The following FER variants were observed in gnomAD, a reference collection of about 807,000 sequenced individuals.
FER encodes tyrosine-protein kinase Fer.
Under a neutral mutation model 111.0 loss-of-function variants are expected in FER, and 63 were observed. That is an observed-to-expected ratio of 0.57 (90% CI 0.46 to 0.70). FER has a LOEUF of 0.70. Ranked by LOEUF, FER falls within the 30% of genes least tolerant of loss-of-function variation. The pLI is 0.00. For synonymous variants in FER, 327 were observed against 313.9 expected (o/e 1.04, Z -0.44); for missense variants, 914 against 954.0 (o/e 0.96, Z 0.55).
intron 16 of FER, among the ~76,000 whole-genome samples, chr5:109,058,411 T>C (rs1268462210): frequency 6.6e-6 from 1 of 152,148 alleles, no homozygotes; most frequent in Non-Finnish European, 1.5e-5. Flanking sequence ...GAATATGTTT[T>C]CTTTGCTCCC....
intron 2 of FER, among the ~76,000 whole-genome samples, chr5:108,786,085 C>G (rs948509829): frequency 9.2e-5 from 14 of 152,208 alleles, no homozygotes; most frequent in African/African-American, 2.7e-4. Flanking sequence ...AGATACTCAG[C>G]AACACCCTGA....
At chr5:108,839,849 T>C (rs1761082529) in intron 5 of FER, among the ~76,000 whole-genome samples, 1 of 152,122 alleles carries the variant, frequency 6.6e-6, no homozygotes, top group South Asian at 2.1e-4. Context: ...ACTGCTGGGA[T>C]TACAGGCGTG....
At chr5:108,860,771 A>G (rs1417989236) in intron 5 of FER, among the ~76,000 whole-genome samples, 1 of 152,230 alleles carries the variant, frequency 6.6e-6, no homozygotes, top group Non-Finnish European at 1.5e-5. Flanking sequence ...ACATATAATT[A>G]CTGGGTAATT....
chr5:109,073,705 A>G (rs147640619), intron 16 of FER, among the ~76,000 whole-genome samples: 3 of 152,118 alleles, frequency 2.0e-5, no homozygotes, highest in African/African-American at 7.2e-5. Context: ...CCCCTTCCAC[A>G]TATTCCAAAA....
At chr5:109,003,572 AAACCTG>A (rs1765102540) in intron 13 of FER, among the ~76,000 whole-genome samples, 2 of 152,164 alleles carry the variant, frequency 1.3e-5, no homozygotes, top group Non-Finnish European at 2.9e-5. Context: ...CATATGTAAC[AAACCTG>A]CACGTAGTGC....
At chr5:109,128,541 C>G (rs1032061930) in intron 17 of FER, among the ~76,000 whole-genome samples, 1 of 152,230 alleles carries the variant, frequency 6.6e-6, no homozygotes, top group African/African-American at 2.4e-5. Context: ...GACAGCTTGT[C>G]ATCATTCTGG....
intron 14 of FER, among the ~76,000 whole-genome samples, chr5:109,041,905 A>T (rs1771236611): frequency 6.6e-6 from 1 of 152,126 alleles, no homozygotes; most frequent in African/African-American, 2.4e-5. Flanking sequence ...CATTAGTAGG[A>T]TTATATGTGG....
At chr5:108,880,094 A>G (rs1003947753) in intron 8 of FER, among the ~76,000 whole-genome samples, 1 of 152,090 alleles carries the variant, frequency 6.6e-6, no homozygotes, top group Non-Finnish European at 1.5e-5. Context: ...TCCTGAAGGC[A>G]AACTTGTTTA....
chr5:108,915,615 T>A (rs1046618661), intron 10 of FER, among the ~76,000 whole-genome samples: 27 of 150,784 alleles, frequency 1.8e-4, no homozygotes, highest in Non-Finnish European at 3.8e-4. Flanking sequence ...AGGGGATAAA[T>A]TACTCTGTCC....
At chr5:108,783,516 G>C (rs1754330560) in intron 2 of FER, among the ~76,000 whole-genome samples, 1 of 152,120 alleles carries the variant, frequency 6.6e-6, no homozygotes, top group Non-Finnish European at 1.5e-5. Context: ...TGTGACAGGT[G>C]ATTTCCATTT....
intron 17 of FER, among the ~76,000 whole-genome samples, chr5:109,114,406 C>G (rs1749989199): frequency 6.6e-6 from 1 of 151,960 alleles, no homozygotes; most frequent in Non-Finnish European, 1.5e-5. Flanking sequence ...TGGTGCTGTT[C>G]TTTTCATTTT....
Position 108,798,225 on chromosome 5 carries a change from T to G in FER, c.43T>G (p.Leu15Val), listed in dbSNP as rs757132456. The part of the protein sequence containing the change: ...SDLKNSHEAV[L>V]KLQDWELRLL... ...CCTGAAGAATTCACATGAAGCAGTG[T>G]TAAAATTGCAAGACTGGGAATTACG... The change falls in exon 3 of 20, where the codon TTA (leucine) becomes GTA (valine). Residue 15 changes from leucine to valine, a missense_variant. Coordinates refer to ENST00000281092, the MANE Select transcript of FER (RefSeq NM_005246.4). 1.2e-6 allele frequency: 2 copies of G among 1,614,046 alleles called. No homozygotes were observed. Among genetic ancestry groups the G allele is most frequent in the Non-Finnish European group, 1.7e-6 (2 of 1,179,978 alleles).
intron 10 of FER, among the ~76,000 whole-genome samples, chr5:108,901,107 G>A (rs1400598899): frequency 6.6e-6 from 1 of 150,976 alleles, no homozygotes; most frequent in African/African-American, 2.4e-5. Context: ...GAAACCAAAG[G>A]ATTCTTTTCC....
intron 5 of FER, among the ~76,000 whole-genome samples, chr5:108,859,501 C>T (rs1169749561): frequency 6.6e-6 from 1 of 152,080 alleles, no homozygotes; most frequent in Non-Finnish European, 1.5e-5. Flanking sequence ...CTTTCTGTGC[C>T]TGTTATGCTG....
At chr5:108,987,361 G>A (rs1003078869) in intron 13 of FER, among the ~76,000 whole-genome samples, 2 of 152,038 alleles carry the variant, frequency 1.3e-5, no homozygotes, top group South Asian at 4.1e-4. Flanking sequence ...CAGGAGAATC[G>A]CTTGAACCTG....
At chr5:109,028,259 T>C (rs138155220) in intron 13 of FER, among the ~76,000 whole-genome samples, 2 of 152,352 alleles carry the variant, frequency 1.3e-5, no homozygotes, top group East Asian at 3.9e-4. Context: ...TGCAAAGCTT[T>C]AGATTATAAT....
chr5:109,171,406 A>G (rs1757078634), intron 17 of FER, among the ~76,000 whole-genome samples: 1 of 152,240 alleles, frequency 6.6e-6, no homozygotes, highest in South Asian at 2.1e-4. Context: ...TGCTTATGGA[A>G]AAAATCTGTG....
chr5:108,967,101 GC>G (rs1228354060), intron 13 of FER, among the ~76,000 whole-genome samples: 1 of 152,106 alleles, frequency 6.6e-6, no homozygotes, highest in African/African-American at 2.4e-5. Flanking sequence ...GCAACAGGTG[GC>G]CTGCTCACTT....
chr5:108,964,043 C>T (rs7735749), intron 13 of FER, among the ~76,000 whole-genome samples: 65,286 of 151,920 alleles, frequency 0.43, 14,556 homozygotes, highest in African/African-American at 0.5. Flanking sequence ...CCATGTTCTT[C>T]AATTCATTAA....
Sources: gnomAD v4.1 joint callset for allele counts (sites outside exome capture counted in the v4.1 genomes callset) on GRCh38, gnomAD v4.1.1 for gene constraint, MANE v1.5 for transcripts, NCBI Gene and HGNC (gene_info 2026-07-23, HGNC 2026-07-21) for gene names.